Variants in AOX1 observed in about 807,000 individuals in gnomAD.
AOX1 encodes aldehyde oxidase.
AOX1 carries 153 observed loss-of-function variants against 169.5 expected under a neutral mutation model. The ratio of observed to expected loss-of-function variants is 0.90; its 90% confidence interval spans 0.79 to 1.03. The LOEUF is 1.03. AOX1 is among the 50% of genes least tolerant of loss of function. The probability of loss-of-function intolerance (pLI) is 0.00; values close to 1 mark genes in which losing one functional copy is unlikely to be tolerated. For synonymous variants in AOX1, 562 were observed against 581.9 expected (o/e 0.97, Z 0.49); for missense variants, 1,656 against 1,663.9 (o/e 1.00, Z 0.08).
chr2:200,604,914 G>A, intron 9 of AOX1, 74 bp downstream of exon 9: 2 of 1,287,108 alleles, frequency 1.6e-6, no homozygotes, highest in East Asian at 4.7e-5. Context: ...GGTGGGCTGG[G>A]GAAACTTCAT....
chr2:200,642,751 G>GA lies in AOX1; in HGVS notation c.2799dup (p.Ser934IlefsTer15), dbSNP rs752188362. On this transcript the variant is annotated frameshift_variant, in exon 25 of 35. Coordinates refer to ENST00000374700, the MANE Select transcript of AOX1 (RefSeq NM_001159.4). LOFTEE classifies it high-confidence loss of function. The stretch of plus-strand genomic sequence containing the variant: ...CTTTCCTCAGGCAGCGCTGATCACC[G>GA]AATCTTGTATCACGGAAGTTGCAGC... The GA allele has an allele frequency of 6.2e-7, 1 of 1,613,916 alleles. No homozygotes were observed. The highest frequency in any genetic ancestry group is 8.5e-7 in the Non-Finnish European group (1 of 1,179,888).
chr2:200,655,470 C>T (rs548806065), intron 26 of AOX1, among the ~76,000 whole-genome samples: 1 of 152,248 alleles, frequency 6.6e-6, no homozygotes, highest in East Asian at 1.9e-4. Context: ...CAGTAAAAAA[C>T]ACTCTATTAC....
chr2:200,676,393 A>G (rs2036097626), downstream of AOX1, among the ~76,000 whole-genome samples: 1 of 152,120 alleles, frequency 6.6e-6, no homozygotes, highest in African/African-American at 2.4e-5. Context: ...TCAGGCCAGG[A>G]GTTTGAGACC....
In AOX1 at chr2:200,604,840, G is replaced by T. The variant is rs755085900; in HGVS notation, c.814G>T (p.Gly272Trp). Residue 272 changes from glycine to tryptophan, a missense_variant and splice_region_variant, in exon 9 of 35, where the codon GGG becomes TGG. Physicochemically the swap from Gly to Trp is radical, Grantham distance 184 (BLOSUM62 -2). Transcript: ENST00000374700. ...TGTTATCATGGGAAACACCTCTGTG[G>T]GTATGTAGAACCCCAGGGATTTTTT... Reference protein sequence around the residue: ...APVIMGNTSVGPEVKFKGVFH... With the variant: ...APVIMGNTSVWPEVKFKGVFH... 3.7e-6 allele frequency: 6 copies of T among 1,613,358 alleles called. No individual in the cohort carries two copies. The highest frequency in any genetic ancestry group is 4.2e-6 in the Non-Finnish European group (5 of 1,179,698).
chr2:200,659,867 AG>A, intron 28 of AOX1, 127 bp from the exon 29 acceptor site: 2 of 675,552 alleles, frequency 3.0e-6, no homozygotes, highest in Non-Finnish European at 5.0e-6. Flanking sequence ...ACCTTCATAC[AG>A]GGTTGGTGTC....
chr2:200,608,483 G>A (rs1332140549), intron 10 of AOX1, among the ~76,000 whole-genome samples: 3 of 152,156 alleles, frequency 2.0e-5, no homozygotes, highest in African/African-American at 7.2e-5. Flanking sequence ...AGAAATGTGG[G>A]TTTGCAGTAC....
Position 200,623,909 on chromosome 2 carries a change from G to T in AOX1, c.2050G>T (p.Val684Phe), listed in dbSNP as rs762801457. The change falls in exon 19 of 35, where the codon GTT (valine) becomes TTT (phenylalanine). Residue 684 changes from valine to phenylalanine, a missense_variant. By Grantham distance (50) the Val-to-Phe change is conservative. Coordinates refer to ENST00000374700, the MANE Select transcript of AOX1 (RefSeq NM_001159.4). The part of the protein sequence containing the change: ...LVCAVLADSE[V>F]QAKRAAKRVK... ...CTGTGCTGTGCTTGCCGATTCTGAGGTTCAGGCAAAGCGAGCTGCTAAGCG... is the reference window on the plus strand; with the variant it reads ...CTGTGCTGTGCTTGCCGATTCTGAGTTTCAGGCAAAGCGAGCTGCTAAGCG... 10 of 1,614,148 alleles carry T rather than the reference G, an allele frequency of 6.2e-6. No homozygotes were observed. In the South Asian group the frequency reaches 7.7e-5, roughly 12 times the overall value.
intron 8 of AOX1, among the ~76,000 whole-genome samples, chr2:200,604,479 A>G (rs1383458879): frequency 1.3e-5 from 2 of 152,222 alleles, no homozygotes; most frequent in East Asian, 3.8e-4. Flanking sequence ...AAGAGCACCA[A>G]AGGGAGACAG....
chr2:200,603,502 A>AT, intron 7 of AOX1, 146 bp downstream of exon 7: 1 of 585,242 alleles, frequency 1.7e-6, no homozygotes, highest in Non-Finnish European at 3.0e-6. Context: ...CCATCTCTCT[A>AT]TAAAAAAAAA....
Position 200,669,682 on chromosome 2 carries a change from T to C in AOX1, c.3906T>C (p.Leu1302=). The C allele has an allele frequency of 1.2e-6, 2 of 1,613,904 alleles. No homozygotes were observed. The highest frequency in any genetic ancestry group is 1.7e-6 in the Non-Finnish European group (2 of 1,179,972). ...GAGGCCTGCATGGACCCTTGACCCTTAATAGTCCACTGACCCCGGAGAAGA... is the reference window on the plus strand; with the variant it reads ...GAGGCCTGCATGGACCCTTGACCCTCAATAGTCCACTGACCCCGGAGAAGA... The part of the protein sequence containing the change: ...QERGLHGPLT[L]NSPLTPEKIR... The change falls in exon 34 of 35, where the codon CTT becomes CTC. Residue 1302 remains leucine (L), a synonymous_variant. Coordinates refer to ENST00000374700, the MANE Select transcript of AOX1 (RefSeq NM_001159.4).
intron 23 of AOX1, among the ~76,000 whole-genome samples, chr2:200,639,339 T>C (rs1045163912): frequency 6.6e-6 from 1 of 152,168 alleles, no homozygotes. Flanking sequence ...GACCTGTAAG[T>C]TGTGGATCTC....
chr2:200,610,115 A>G (rs1254417000), intron 12 of AOX1, among the ~76,000 whole-genome samples: 6 of 149,038 alleles, frequency 4.0e-5, no homozygotes, highest in Non-Finnish European at 7.4e-5. Flanking sequence ...TCTGTCACCC[A>G]GTCTGGAGTG....
At chr2:200,679,261 C>T (rs917067553), downstream of AOX1, 1 of 152,106 alleles carries the variant, frequency 6.6e-6, no homozygotes, top group Non-Finnish European at 1.5e-5. Flanking sequence ...TTTTTTAACA[C>T]TGCTGCTGTC....
chr2:200,618,851 A>G (rs1260448886), intron 16 of AOX1, among the ~76,000 whole-genome samples: 1 of 152,214 alleles, frequency 6.6e-6, no homozygotes, highest in African/African-American at 2.4e-5. Flanking sequence ...CAGAAAGGAA[A>G]GCAAAACATC....
Position 200,635,700 on chromosome 2 carries a change from A to C in AOX1, c.2346+785A>C, listed in dbSNP as rs1005681744. Reference sequence around the variant, plus strand: ...TACCCTACGCAGCATGCATGGAAGGAAGGAGGAATAGCACAATGACCGCCC... The same window carrying C: ...TACCCTACGCAGCATGCATGGAAGGCAGGAGGAATAGCACAATGACCGCCC... On this transcript the variant is annotated intron_variant, in intron 21 of 34. Coordinates refer to ENST00000374700, the MANE Select transcript of AOX1 (RefSeq NM_001159.4). Among the ~76,000 whole-genome samples the C allele has an allele frequency of 4.6e-5, 7 of 152,290 alleles. 1 individual carries two copies. Among genetic ancestry groups the C allele is most frequent in the Admixed American group, 4.6e-4 (7 of 15,294 alleles).
rs1430149541 is a variant in AOX1, at chr2:200,605,519, T to G, written c.815-17T>G. 2 of 1,426,338 alleles carry G rather than the reference T, an allele frequency of 1.4e-6. No individual in the cohort carries two copies. The allele number at this position is 1,426,338 out of a possible 1,614,324, so 88.4% of individuals were successfully genotyped here. ...TATTCTAGTCTTATTGATTTTTTTT[T>G]TTTTTTGATCCTTTAGGGCCTGAAG... On this transcript the variant is annotated splice_polypyrimidine_tract_variant and intron_variant, in intron 9 of 34. Coordinates refer to ENST00000374700, the MANE Select transcript of AOX1 (RefSeq NM_001159.4).
chr2:200,636,821 G>A, intron 21 of AOX1, 90 bp from the exon 22 acceptor site: 1 of 1,472,624 alleles, frequency 6.8e-7, no homozygotes, highest in Non-Finnish European at 9.2e-7. Flanking sequence ...TTTTGTTGTT[G>A]TTGTTAAAAT....
intron 5 of AOX1, among the ~76,000 whole-genome samples, chr2:200,601,869 G>T (rs1408334211): frequency 6.6e-6 from 1 of 152,112 alleles, no homozygotes; most frequent in African/African-American, 2.4e-5. Flanking sequence ...GAAGGTGGAA[G>T]TTGCAATGAG....
chr2:200,672,795 G>A (rs1000045742), downstream of AOX1, among the ~76,000 whole-genome samples: 7 of 152,216 alleles, frequency 4.6e-5, no homozygotes, highest in Non-Finnish European at 8.8e-5. Context: ...AAGCCCTCCT[G>A]AGGAAATGAG....
Sources: gnomAD v4.1 joint callset for allele counts (sites outside exome capture counted in the v4.1 genomes callset) on GRCh38, gnomAD v4.1.1 for gene constraint, MANE v1.5 for transcripts, NCBI Gene and HGNC (gene_info 2026-07-23, HGNC 2026-07-21) for gene names.